SIK3: variants seen among roughly 807,000 people sequenced by gnomAD.
The protein encoded by SIK3 is serine/threonine-protein kinase SIK3.
SIK3 carries 28 observed loss-of-function variants against 144.2 expected under a neutral mutation model. The ratio of observed to expected loss-of-function variants is 0.19; its 90% confidence interval spans 0.14 to 0.27. The LOEUF is 0.27. SIK3 is among the 10% of genes least tolerant of loss of function. SIK3 has a pLI of 1.00. For missense variants in SIK3, 1,319 were observed against 1,776.0 expected (o/e 0.74, Z 4.62); for synonymous variants, 686 against 676.3 (o/e 1.01, Z -0.22).
chr11:117,037,336 AT>A (rs1952551606), intron 1 of SIK3, among the ~76,000 whole-genome samples: 2 of 152,234 alleles, frequency 1.3e-5, no homozygotes, highest in South Asian at 4.1e-4. Flanking sequence ...TCTCTGTAAA[AT>A]ATATAGCAAT....
chr11:117,083,918 A>G (rs1954896074), intron 1 of SIK3, among the ~76,000 whole-genome samples: 3 of 152,214 alleles, frequency 2.0e-5, no homozygotes, highest in African/African-American at 7.2e-5. Context: ...TTTCTTCACC[A>G]AGTTTTTAAT....
At position 116,878,173 on chromosome 11, in the gene SIK3, T is replaced by C. The variant is rs562513091; in HGVS notation, c.866-1131A>G. Among the ~76,000 whole-genome samples the C allele has an allele frequency of 2.0e-5, 3 of 152,282 alleles. No homozygotes were observed. The South Asian group carries it at 6.2e-4, about 32-fold the overall frequency. On this transcript the variant is annotated intron_variant, in intron 6 of 24. Coordinates refer to ENST00000445177, the MANE Select transcript of SIK3 (RefSeq NM_001366686.3). Reference sequence around the variant, plus strand: ...TTTATCCAAGCCACCATTTCTGACTTACACGCTGCAAAAGTCTCCTACCCG... The same window carrying C: ...TTTATCCAAGCCACCATTTCTGACTCACACGCTGCAAAAGTCTCCTACCCG...
chr11:117,075,810 G>C (rs1450356451), intron 1 of SIK3, among the ~76,000 whole-genome samples: 2 of 143,902 alleles, frequency 1.4e-5, no homozygotes, highest in Non-Finnish European at 3.0e-5. Flanking sequence ...CCAAAGTGCT[G>C]GGATTATAGG....
At chr11:117,078,797 C>G (rs909944079) in intron 1 of SIK3, among the ~76,000 whole-genome samples, 1 of 152,052 alleles carries the variant, frequency 6.6e-6, no homozygotes, top group African/African-American at 2.4e-5. Flanking sequence ...AATGTCTTTT[C>G]CACTATCTGC....
chr11:117,079,911 G>A (rs112372887), intron 1 of SIK3, among the ~76,000 whole-genome samples: 6,860 of 152,178 alleles, frequency 0.045, 513 homozygotes, highest in African/African-American at 0.16. Context: ...GCTCATGCCT[G>A]TAATCCCAGC....
intron 2 of SIK3, among the ~76,000 whole-genome samples, chr11:116,954,476 CAA>C (rs375861538): frequency 1.6e-5 from 2 of 125,056 alleles, no homozygotes; most frequent in Admixed American, 7.9e-5. Flanking sequence ...CCTATCAAAT[CAA>C]AAAAAAAAAA....
At chr11:116,915,124 A>ATG (rs35059138) in intron 4 of SIK3, among the ~76,000 whole-genome samples, 13,679 of 129,864 alleles carry the variant, frequency 0.11, 824 homozygotes, top group Non-Finnish European at 0.14. Context: ...GAAGCCATAT[A>ATG]TGTGTGTGTG....
At chr11:117,016,394 G>GGGAAGGAAGGGAGGAA (rs1951535618) in intron 1 of SIK3, among the ~76,000 whole-genome samples, 1 of 59,280 alleles carries the variant, frequency 1.7e-5, no homozygotes, top group Non-Finnish European at 3.1e-5. Flanking sequence ...GAGGGAGGGA[G>GGGAAGGAAGGGAGGAA]GGAAGGAAGG....
At position 116,876,020 on chromosome 11, in the gene SIK3, A is replaced by G; in HGVS notation, c.1096-11T>C. Reference sequence around the variant, plus strand: ...ATCTGATCTTAATGACTACCAAGAGAGAAGGGAAAAGAGTACAAAACCCTG... The same window carrying G: ...ATCTGATCTTAATGACTACCAAGAGGGAAGGGAAAAGAGTACAAAACCCTG... On this transcript the variant is annotated splice_polypyrimidine_tract_variant and intron_variant, in intron 8 of 24. Transcript: ENST00000445177. 1 of 1,613,210 alleles carries G rather than the reference A, an allele frequency of 6.2e-7. No individual in the cohort carries two copies. The highest frequency in any genetic ancestry group is 2.2e-5 in the East Asian group (1 of 44,872).
At chr11:116,943,492 A>G (rs188576934) in intron 3 of SIK3, among the ~76,000 whole-genome samples, 2 of 152,306 alleles carry the variant, frequency 1.3e-5, no homozygotes, top group Admixed American at 6.5e-5. Context: ...TAACCTCTTC[A>G]AGGTCTCCAC....
chr11:117,053,614 G>A (rs910955959), intron 1 of SIK3, among the ~76,000 whole-genome samples: 1 of 151,950 alleles, frequency 6.6e-6, no homozygotes, highest in African/African-American at 2.4e-5. Context: ...TCCAAACTCA[G>A]GGATTTTAAC....
intron 1 of SIK3, among the ~76,000 whole-genome samples, chr11:117,047,425 G>A (rs1953019590): frequency 6.6e-6 from 1 of 152,130 alleles, no homozygotes; most frequent in Admixed American, 6.6e-5. Flanking sequence ...GAAGGCACAG[G>A]GCTAAAGGGA....
chr11:117,080,404 A>G (rs2136047831), intron 1 of SIK3, among the ~76,000 whole-genome samples: 1 of 152,364 alleles, frequency 6.6e-6, no homozygotes, highest in African/African-American at 2.4e-5. Flanking sequence ...AATTACCAAG[A>G]AAATGAAGAC....
intron 13 of SIK3, 96 bp from the exon 14 acceptor site, chr11:116,870,497 C>T (rs925422263): frequency 1.9e-6 from 3 of 1,539,772 alleles, no homozygotes; most frequent in Non-Finnish European, 2.7e-6. Context: ...TTTCTGTTAA[C>T]TTTCTTATTT....
In SIK3 at chr11:117,021,928, C is replaced by CAAAAAAAA. The variant is rs71037444; in HGVS notation, c.274-64872_274-64865dup. 2.0e-3 allele frequency among the ~76,000 whole-genome samples: 115 copies of CAAAAAAAA among 58,956 alleles called. 6 individuals are homozygous for CAAAAAAAA. Among genetic ancestry groups the CAAAAAAAA allele is most frequent in the East Asian group, 2.6e-3 (4 of 1,510 alleles). The allele number at this position is 58,956 out of a possible 152,430, so 38.7% of individuals were successfully genotyped here. ...ATAGCACAGTGAGCCTCTGTCTCTA[C>CAAAAAAAA]AAAAAAAAAAAAAAAAAAAAAAAAA... is the stretch of plus-strand genomic sequence containing the variant. On this transcript the variant is annotated intron_variant, in intron 1 of 24. Coordinates refer to ENST00000445177, the MANE Select transcript of SIK3 (RefSeq NM_001366686.3).
At chr11:116,883,342 T>G (rs1189456330) in intron 6 of SIK3, among the ~76,000 whole-genome samples, 1 of 152,250 alleles carries the variant, frequency 6.6e-6, no homozygotes, top group African/African-American at 2.4e-5. Flanking sequence ...TGTCCTGATC[T>G]TGTTATAACA....
intron 1 of SIK3, among the ~76,000 whole-genome samples, chr11:117,091,395 A>G (rs1017336301): frequency 4.0e-5 from 6 of 151,884 alleles, no homozygotes; most frequent in Admixed American, 2.0e-4. Context: ...TAGTAAAAAC[A>G]GGGTTTCGCC....
chr11:117,045,445 ACGGT>A (rs1309218428), intron 1 of SIK3, among the ~76,000 whole-genome samples: 4 of 152,170 alleles, frequency 2.6e-5, no homozygotes, highest in African/African-American at 9.7e-5. Flanking sequence ...ATAAGAGTGA[ACGGT>A]AATTGCTCCG....
chr11:117,066,534 CTTTTTT>C (rs34259048), intron 1 of SIK3, among the ~76,000 whole-genome samples: 6 of 131,042 alleles, frequency 4.6e-5, no homozygotes, highest in African/African-American at 1.7e-4. Flanking sequence ...AGAAACAATC[CTTTTTT>C]TTTTTTTTTT....
Sources: allele counts gnomAD v4.1 joint callset (sites outside exome capture counted in the v4.1 genomes callset), GRCh38; gene constraint gnomAD v4.1.1; transcripts MANE v1.5; gene names NCBI Gene and HGNC (gene_info 2026-07-23, HGNC 2026-07-21).